The following MYO5A variants were observed in gnomAD, a reference collection of about 807,000 sequenced individuals.
The protein encoded by MYO5A is myosin VA.
Under a neutral mutation model 249.7 loss-of-function variants are expected in MYO5A, and 98 were observed. The observed-to-expected ratio is 0.39, with a 90% CI of 0.33 to 0.46. The LOEUF (loss-of-function observed/expected upper bound fraction) is 0.46, where lower values mean the gene tolerates loss of function less well. Among genes scored for constraint, MYO5A ranks in the 20% least tolerant of loss-of-function variants. MYO5A has a pLI of 0.98. For missense variants in MYO5A, 1,696 were observed against 2,308.8 expected (o/e 0.73, Z 5.44); for synonymous variants, 778 against 810.6 (o/e 0.96, Z 0.68).
chr15:52,433,357 A>C (rs2075583793), intron 1 of MYO5A, 72 bp from the exon 2 acceptor site: 2 of 800,542 alleles, frequency 2.5e-6, no homozygotes, highest in South Asian at 3.0e-5. Context: ...ACATATGATA[A>C]CTATTTATAA....
In MYO5A at chr15:52,320,018, A is replaced by G. The variant is rs182194395; in HGVS notation, c.4952-676T>C. On this transcript the variant is annotated intron_variant, in intron 38 of 41. Coordinates refer to ENST00000399233, the MANE Select transcript of MYO5A (RefSeq NM_001382347.1). Reference sequence around the variant, plus strand: ...TTATCTGAGCCCCAGAGGCAAAAACAGTAAGAAAAGCAGGGCACTGACAAC... The same window carrying G: ...TTATCTGAGCCCCAGAGGCAAAAACGGTAAGAAAAGCAGGGCACTGACAAC... 5.9e-4 allele frequency among the ~76,000 whole-genome samples: 90 copies of G among 152,318 alleles called. 1 individual carries two copies. The highest frequency in any genetic ancestry group is 1.2e-3 in the Non-Finnish European group (81 of 68,030).
chr15:52,343,260 G>A lies in MYO5A; in HGVS notation c.3960-63C>T, dbSNP rs16964903. 21,888 of 1,321,896 alleles carry A rather than the reference G, an allele frequency of 0.017. 1,238 individuals carry two copies. In the African/African-American group the frequency reaches 0.17, roughly 10 times the overall value. 81.9% of individuals were successfully genotyped at this position (1,321,896 alleles called of 1,614,324 possible). On this transcript the variant is annotated intron_variant, in intron 30 of 41. Transcript: ENST00000399233. The stretch of plus-strand genomic sequence containing the variant: ...GGATACAGGATGCTGATGAGGTGAC[G>A]ATGGTCAACAGCAGCATGCAGTATT...
intron 16 of MYO5A, among the ~76,000 whole-genome samples, chr15:52,381,782 T>TCTCTCACACA (rs11280608): frequency 2.0e-3 from 273 of 137,854 alleles, no homozygotes; most frequent in South Asian, 3.0e-3. Context: ...TCTCTCTCTC[T>TCTCTCACACA]CACACACACA....
At chr15:52,479,841 C>A (rs1024401391) in intron 1 of MYO5A, among the ~76,000 whole-genome samples, 1 of 152,236 alleles carries the variant, frequency 6.6e-6, no homozygotes, top group Non-Finnish European at 1.5e-5. Flanking sequence ...CTCTCTTAGA[C>A]CTCTCTGAGT....
At chr15:52,475,505 G>A (rs947575044) in intron 1 of MYO5A, among the ~76,000 whole-genome samples, 1 of 152,108 alleles carries the variant, frequency 6.6e-6, no homozygotes, top group Non-Finnish European at 1.5e-5. Context: ...GATCTTTCCT[G>A]GTTTCTCTTG....
At chr15:52,464,046 T>C (rs1188503792) in intron 1 of MYO5A, among the ~76,000 whole-genome samples, 1 of 152,210 alleles carries the variant, frequency 6.6e-6, no homozygotes, top group East Asian at 1.9e-4. Context: ...CTTGAACAAT[T>C]ACCCAACTTT....
At chr15:52,471,592 A>AACACACAC (rs111751236) in intron 1 of MYO5A, among the ~76,000 whole-genome samples, 42,262 of 144,732 alleles carry the variant, frequency 0.29, 7,629 homozygotes, top group Non-Finnish European at 0.4. Context: ...CTGTCTCTAA[A>AACACACAC]ACACACACAC....
Position 52,370,425 on chromosome 15 carries a change from C to A in MYO5A, c.2818-8G>T. The A allele has an allele frequency of 6.2e-7, 1 of 1,606,238 alleles. No individual in the cohort carries two copies. The highest frequency in any genetic ancestry group is 2.2e-5 in the East Asian group (1 of 44,830). ...GCATTTGTAGTCTTTGTTCTTTAAA[C>A]ATACACATAAGTAACAATAAGTAAA... On this transcript the variant is annotated splice_region_variant and splice_polypyrimidine_tract_variant and intron_variant, in intron 21 of 41. Coordinates refer to ENST00000399233, the MANE Select transcript of MYO5A (RefSeq NM_001382347.1).
rs756082685 is a variant in MYO5A at position 52,319,260 on chromosome 15, G to C, written c.5034C>G (p.Ile1678Met). 15 of 1,613,976 alleles carry C rather than the reference G, an allele frequency of 9.3e-6. No homozygotes were observed. The highest frequency in any genetic ancestry group is 3.3e-5 in the South Asian group (3 of 91,080). Residue 1678 changes from isoleucine (I) to methionine (M), a missense_variant, in exon 39 of 42, where the codon ATC becomes ATG. This residue lies in a region of MYO5A where 625 missense variants were observed against 908.1 expected (regional missense o/e 0.69). Transcript: ENST00000399233. ...PTGLRKRTSS[I>M]ADEGTYTLDS... ...CCAGTGTGTAGGTGCCCTCATCGGC[G>C]ATACTGGAGGTTCGCTTTCTCAACC...
intron 1 of MYO5A, among the ~76,000 whole-genome samples, chr15:52,434,807 G>A (rs1418180138): frequency 2.0e-5 from 3 of 151,840 alleles, no homozygotes; most frequent in South Asian, 4.1e-4. Context: ...TATGAAAACA[G>A]GAATCCTAGA....
chr15:52,470,630 A>G (rs979456505), intron 1 of MYO5A, among the ~76,000 whole-genome samples: 3 of 152,080 alleles, frequency 2.0e-5, no homozygotes, highest in Middle Eastern at 6.8e-3. Context: ...AGCCTGGGCA[A>G]TAAGAGTGAA....
intron 25 of MYO5A, 74 bp from the exon 26 acceptor site, chr15:52,354,088 G>T: frequency 1.9e-6 from 3 of 1,557,828 alleles, no homozygotes; most frequent in Non-Finnish European, 1.8e-6. Context: ...ATGACAAACA[G>T]CTCAATGGAA....
At chr15:52,446,297 G>A (rs537025542) in intron 1 of MYO5A, among the ~76,000 whole-genome samples, 32 of 152,356 alleles carry the variant, frequency 2.1e-4, no homozygotes, top group African/African-American at 6.7e-4. Flanking sequence ...CAAAAAAGCC[G>A]GGGTACAGCT....
intron 1 of MYO5A, among the ~76,000 whole-genome samples, chr15:52,436,389 C>T (rs1467949735): frequency 1.3e-5 from 2 of 152,244 alleles, no homozygotes; most frequent in Non-Finnish European, 2.9e-5. Flanking sequence ...TAGACCCTGG[C>T]TCTTGTTAAG....
chr15:52,441,150 T>TA (rs1251012753), intron 1 of MYO5A, among the ~76,000 whole-genome samples: 1 of 152,156 alleles, frequency 6.6e-6, no homozygotes, highest in Non-Finnish European at 1.5e-5. Context: ...GTTTTTGGTA[T>TA]AAAAAATTCA....
chr15:52,474,649 T>G (rs1335317846), intron 1 of MYO5A, among the ~76,000 whole-genome samples: 1 of 152,180 alleles, frequency 6.6e-6, no homozygotes, highest in African/African-American at 2.4e-5. Flanking sequence ...GAGATAATCA[T>G]GTGGTTTTCG....
Position 52,366,361 on chromosome 15 carries a change from GA to G in MYO5A, c.3160+669del, listed in dbSNP as rs202113861. Among the ~76,000 whole-genome samples, 1,176 of 151,878 alleles carry G rather than the reference GA, an allele frequency of 7.7e-3. 14 individuals carry two copies. The highest frequency in any genetic ancestry group is 0.027 in the African/African-American group (1,127 of 41,436). On this transcript the variant is annotated intron_variant, in intron 23 of 41. Transcript: ENST00000399233. ...CCAGTGTAATCAACAGAATGTATAT[GA>G]AAATGTATTATTTTCATATAATATA...
chr15:52,487,030 G>A (rs1363052739), intron 1 of MYO5A, among the ~76,000 whole-genome samples: 2 of 152,168 alleles, frequency 1.3e-5, no homozygotes, highest in African/African-American at 2.4e-5. Context: ...CAAGTTTTAC[G>A]TTGATACTAA....
rs1263493318 is a variant in MYO5A at position 52,310,221 on chromosome 15, A to G, written c.*3475T>C. On this transcript the variant is annotated 3_prime_UTR_variant, in exon 42 of 42. Transcript: ENST00000399233. ...GACAAAAGAAGCATCAGATATGTGG[A>G]AATTTTTTAAACTTCCAAAGGAATT... The G allele has an allele frequency of 6.6e-6, 1 of 152,260 alleles. No individual in the cohort carries two copies. Among genetic ancestry groups the G allele is most frequent in the Non-Finnish European group, 1.5e-5 (1 of 68,046 alleles). The allele number at this position is 152,260 out of a possible 1,614,324, so 9.4% of individuals were successfully genotyped here.
Sources: allele counts gnomAD v4.1 joint callset (sites outside exome capture counted in the v4.1 genomes callset), GRCh38; gene constraint gnomAD v4.1.1; regional missense constraint gnomAD v4.1.1; transcripts MANE v1.5; gene names NCBI Gene and HGNC (gene_info 2026-07-23, HGNC 2026-07-21).